The following KIF13A variants were observed in gnomAD, a reference collection of about 807,000 sequenced individuals.
The protein encoded by KIF13A is kinesin-like protein KIF13A.
A neutral mutation model predicts 212.2 loss-of-function variants in KIF13A; 79 were observed. That is an observed-to-expected ratio of 0.37 (90% CI 0.31 to 0.45). The LOEUF is 0.45. KIF13A is among the 20% of genes least tolerant of loss of function. The pLI, the probability that KIF13A is intolerant of heterozygous loss-of-function variation, is 1.00. For synonymous variants in KIF13A, 789 were observed against 808.6 expected (o/e 0.98, Z 0.41); for missense variants, 1,901 against 2,209.0 (o/e 0.86, Z 2.79).
At position 17,767,962 on chromosome 6, in the gene KIF13A, T is replaced by C. The variant is rs185479669; in HGVS notation, c.4582-3016A>G. Among the ~76,000 whole-genome samples the C allele has an allele frequency of 2.6e-4, 39 of 152,234 alleles. No individual in the cohort carries two copies. In the East Asian group the frequency reaches 7.3e-3, roughly 29 times the overall value. Reference sequence around the variant, plus strand: ...AGATTAAGTTCAAATAGGGAGCAGTTCACAGTGGGGAAAATAACCCAAAAG... The same window carrying C: ...AGATTAAGTTCAAATAGGGAGCAGTCCACAGTGGGGAAAATAACCCAAAAG... On this transcript the variant is annotated intron_variant, in intron 38 of 38. Coordinates refer to ENST00000259711, the MANE Select transcript of KIF13A (RefSeq NM_022113.6).
Position 17,828,268 on chromosome 6 carries a change from C to G in KIF13A, c.1504G>C (p.Val502Leu). ...GCATTTTCTTTTGGAGTGAGAGTGA[C>G]GTCTCCATCAGATGCAATGTCAATC... ...CEIDIASDGD[V>L]TLTPKENARS... The change falls in exon 14 of 39, where the codon GTC (valine) becomes CTC (leucine). Residue 502 changes from valine to leucine, a missense_variant. Val to Leu is a conservative substitution (Grantham distance 32). Around this residue, in one of 5 missense-constraint regions of KIF13A, gnomAD observed 506 missense variants for 637.4 expected, o/e 0.79. Coordinates refer to ENST00000259711, the MANE Select transcript of KIF13A (RefSeq NM_022113.6). This position sits in a 1 kb window ranked among gnomAD's most constrained non-coding sequence, Gnocchi z 4.3. 1.9e-6 allele frequency: 3 copies of G among 1,610,004 alleles called. No individual in the cohort carries two copies. Among genetic ancestry groups the G allele is most frequent in the Non-Finnish European group, 2.5e-6 (3 of 1,177,952 alleles).
At chr6:17,931,942 C>T (rs888819171) in intron 2 of KIF13A, among the ~76,000 whole-genome samples, 2 of 152,140 alleles carry the variant, frequency 1.3e-5, no homozygotes, top group Non-Finnish European at 2.9e-5. Flanking sequence ...TGTTTCTATG[C>T]TTCTGTTCCC....
rs556304172 is a variant in KIF13A, at chr6:17,919,321, G to A, written c.147-21141C>T. Among the ~76,000 whole-genome samples the A allele has an allele frequency of 3.9e-5, 6 of 152,254 alleles. No individual in the cohort carries two copies. The South Asian group carries it at 1.2e-3, about 32-fold the overall frequency. On this transcript the variant is annotated intron_variant, in intron 2 of 38. Transcript: ENST00000259711. This position sits in a 1 kb window ranked among gnomAD's most constrained non-coding sequence, Gnocchi z 4.1. ...CCAATACATGGCCAGTCTTGCACAG[G>A]TAAAGTACTATGTACTTAATGCTGC... is the stretch of plus-strand genomic sequence containing the variant.
intron 23 of KIF13A, among the ~76,000 whole-genome samples, chr6:17,796,428 A>C (rs1762039849): frequency 6.6e-6 from 1 of 151,336 alleles, no homozygotes; most frequent in South Asian, 2.1e-4. Context: ...TATTTAGTAG[A>C]GATGTGGTTT....
At position 17,805,512 on chromosome 6, in the gene KIF13A, C is replaced by T; in HGVS notation, c.2267G>A (p.Arg756Lys). The T allele has an allele frequency of 6.2e-7, 1 of 1,613,760 alleles. No homozygotes were observed. The highest frequency in any genetic ancestry group is 8.5e-7 in the Non-Finnish European group (1 of 1,179,824). The change falls in exon 19 of 39, where the codon AGA (arginine) becomes AAA (lysine). Residue 756 changes from arginine to lysine, a missense_variant. By Grantham distance (26) the Arg-to-Lys change is conservative (BLOSUM62 2). Around this residue, in one of 5 missense-constraint regions of KIF13A, gnomAD observed 534 missense variants for 536.9 expected, o/e 0.99. Coordinates refer to ENST00000259711, the MANE Select transcript of KIF13A (RefSeq NM_022113.6). ...EKLENKLIDM[R>K]DLYQEWKEKV... ...TTCCTTCCATTCTTGGTAAAGGTCT[C>T]TCATGTCAATTAATTTATTCTCCAG...
chr6:17,948,796 C>T (rs1777627819), intron 2 of KIF13A, among the ~76,000 whole-genome samples: 1 of 151,764 alleles, frequency 6.6e-6, no homozygotes, highest in Non-Finnish European at 1.5e-5. Flanking sequence ...AAACTCCTGA[C>T]CTCAAATGAT....
rs776349711 is a variant in KIF13A, at chr6:17,987,164, G to C, written c.56-20C>G. ...CCAGTTCTGAAAGCAGAGAGAAAGG[G>C]ACGTTGCAAAGTCCAGCATCCGCGC... On this transcript the variant is annotated intron_variant, in intron 1 of 38. Transcript: ENST00000259711. This position sits in a 1 kb window ranked among gnomAD's most constrained non-coding sequence, Gnocchi z 7.7. 2.5e-6 allele frequency: 4 copies of C among 1,593,434 alleles called. No individual in the cohort carries two copies. Among genetic ancestry groups the C allele is most frequent in the Middle Eastern group, 1.7e-4 (1 of 5,928 alleles).
At chr6:17,779,570 C>A in intron 32 of KIF13A, 22 bp downstream of exon 32, 1 of 1,124,192 alleles carries the variant, frequency 8.9e-7, no homozygotes, top group South Asian at 1.3e-5. Context: ...CTGCGCCCGG[C>A]CTAAAGTAGC....
At position 17,926,433 on chromosome 6, in the gene KIF13A, A is replaced by ATGTTGGCCAGGCTGG. The variant is rs1437012017; in HGVS notation, c.147-28268_147-28254dup. Among the ~76,000 whole-genome samples the ATGTTGGCCAGGCTGG allele has an allele frequency of 6.6e-6, 1 of 152,114 alleles. No individual in the cohort carries two copies. Among genetic ancestry groups the ATGTTGGCCAGGCTGG allele is most frequent in the Non-Finnish European group, 1.5e-5 (1 of 68,016 alleles). On this transcript the variant is annotated intron_variant, in intron 2 of 38. Transcript: ENST00000259711. The surrounding 1 kb of genome is among the most constrained non-coding windows in gnomAD (Gnocchi z 4.3). Reference sequence around the variant, plus strand: ...TTTTTAGTAGAGATGGTGTTTTGCCATGTTGGCCAGGCTGGTCTTGAACTC... The same window carrying ATGTTGGCCAGGCTGG: ...TTTTTAGTAGAGATGGTGTTTTGCCATGTTGGCCAGGCTGGTGTTGGCCAGGCTGGTCTTGAACTC...
At chr6:17,817,454 C>T (rs879370174) in intron 16 of KIF13A, among the ~76,000 whole-genome samples, 7 of 152,180 alleles carry the variant, frequency 4.6e-5, no homozygotes, top group Non-Finnish European at 8.8e-5. Context: ...TCTCCACATC[C>T]TCTACGTTAC....
intron 14 of KIF13A, among the ~76,000 whole-genome samples, chr6:17,827,986 C>G (rs769478850): frequency 6.6e-6 from 1 of 152,190 alleles, no homozygotes; most frequent in Non-Finnish European, 1.5e-5. Flanking sequence ...TTTTCACTTA[C>G]TCTCATAATT....
At position 17,895,854 on chromosome 6, in the gene KIF13A, T is replaced by G. The variant is rs1772512368; in HGVS notation, c.159+2314A>C. On this transcript the variant is annotated intron_variant, in intron 3 of 38. Transcript: ENST00000259711. This position sits in a 1 kb window ranked among gnomAD's most constrained non-coding sequence, Gnocchi z 4.4. ...ATATTTTGTCCAGTCCTAGTTGTCCTCAGTGGAAAAGGCAATGCTAATTAC... is the reference window on the plus strand; with the variant it reads ...ATATTTTGTCCAGTCCTAGTTGTCCGCAGTGGAAAAGGCAATGCTAATTAC... Among the ~76,000 whole-genome samples the G allele has an allele frequency of 1.3e-5, 2 of 152,214 alleles. No individual in the cohort carries two copies.
rs745729592 is a variant in KIF13A at position 17,817,038 on chromosome 6, G to C, written c.1982C>G (p.Thr661Ser). 6.2e-7 allele frequency: 1 copy of C among 1,612,082 alleles called. No homozygotes were observed. Residue 661 changes from threonine to serine, a missense_variant, in exon 17 of 39, where the codon ACC becomes AGC. By Grantham distance (58) the Thr-to-Ser change is moderately conservative. Coordinates refer to ENST00000259711, the MANE Select transcript of KIF13A (RefSeq NM_022113.6). Reference protein sequence around the residue: ...YSSQTAQQKVTQWAEERDELF... With the variant: ...YSSQTAQQKVSQWAEERDELF... Reference sequence around the variant, plus strand: ...TTCTTACCTCTCTTCTGCCCACTGGGTCACCTTCTGCTGCGCTGTCTGGCT... The same window carrying C: ...TTCTTACCTCTCTTCTGCCCACTGGCTCACCTTCTGCTGCGCTGTCTGGCT...
chr6:17,858,514 C>T (rs903480588), intron 4 of KIF13A, among the ~76,000 whole-genome samples: 5 of 152,162 alleles, frequency 3.3e-5, no homozygotes, highest in African/African-American at 9.7e-5. Context: ...ATCTTTCATA[C>T]ACATTAATAT....
Position 17,764,185 on chromosome 6 carries a change from G to A in KIF13A, c.5343C>T (p.Ser1781=), listed in dbSNP as rs199656220. Residue 1781 remains serine, a synonymous_variant, in exon 39 of 39, where the codon AGC becomes AGT. Coordinates refer to ENST00000259711, the MANE Select transcript of KIF13A (RefSeq NM_022113.6). The surrounding 1 kb of genome is among the most constrained non-coding windows in gnomAD (Gnocchi z 5.1). The part of the protein sequence containing the change: ...KTVSDGLHHP[S]QLHSKLENDQ... ...CATTCTCTAACTTGGAATGCAGCTGGCTGGGGTGGTGGAGCCCATCGGAGA... is the reference window on the plus strand; with the variant it reads ...CATTCTCTAACTTGGAATGCAGCTGACTGGGGTGGTGGAGCCCATCGGAGA... 7 of 1,613,924 alleles carry A rather than the reference G, an allele frequency of 4.3e-6. No homozygotes were observed. Among genetic ancestry groups the A allele is most frequent in the Non-Finnish European group, 5.9e-6 (7 of 1,179,912 alleles).
At chr6:17,848,422 C>G (rs1767282900) in intron 9 of KIF13A, among the ~76,000 whole-genome samples, 3 of 152,124 alleles carry the variant, frequency 2.0e-5, no homozygotes, top group Admixed American at 6.6e-5. Context: ...CCCTTTCCAG[C>G]CCCTAGTAAC....
intron 3 of KIF13A, among the ~76,000 whole-genome samples, chr6:17,882,831 G>T (rs1210547277): frequency 2.6e-5 from 4 of 152,048 alleles, no homozygotes; most frequent in Non-Finnish European, 4.4e-5. Flanking sequence ...CAAAGTGCTG[G>T]GATTAAAGGC....
chr6:17,977,404 G>A (rs1339254586), intron 2 of KIF13A, among the ~76,000 whole-genome samples: 2 of 152,192 alleles, frequency 1.3e-5, no homozygotes, highest in African/African-American at 4.8e-5. Flanking sequence ...GAGAAGAAAT[G>A]CCTTTCAACT....
Position 17,769,384 on chromosome 6 carries a change from A to G in KIF13A, c.4581+1730T>C, listed in dbSNP as rs527504155. Among the ~76,000 whole-genome samples, 1 of 152,276 alleles carries G rather than the reference A, an allele frequency of 6.6e-6. No individual in the cohort carries two copies. Among genetic ancestry groups the G allele is most frequent in the East Asian group, 1.9e-4 (1 of 5,172 alleles). On this transcript the variant is annotated intron_variant, in intron 38 of 38. Transcript: ENST00000259711. This position sits in a 1 kb window ranked among gnomAD's most constrained non-coding sequence, Gnocchi z 5.8. ...CAGCTTTTTCAAGTAAGACTCCAGC[A>G]AGAACAATAACACCATCAAGTCCTT...
Sources: allele counts gnomAD v4.1 joint callset (sites outside exome capture counted in the v4.1 genomes callset), GRCh38; gene constraint gnomAD v4.1.1; regional missense constraint gnomAD v4.1.1; non-coding constraint Gnocchi (gnomAD v3.1); transcripts MANE v1.5; gene names NCBI Gene and HGNC (gene_info 2026-07-23, HGNC 2026-07-21).